Variants in CEACAM20 observed in about 807,000 individuals in gnomAD.
CEACAM20 encodes cell adhesion molecule CEACAM20.
Under a neutral mutation model 61.2 loss-of-function variants are expected in CEACAM20, and 50 were observed. That is an observed-to-expected ratio of 0.82 (90% CI 0.65 to 1.03). CEACAM20 has a LOEUF of 1.03. CEACAM20 is among the 50% of genes least tolerant of loss of function. The pLI, the probability that CEACAM20 is intolerant of heterozygous loss-of-function variation, is 0.00. For synonymous variants in CEACAM20, 282 were observed against 287.7 expected (o/e 0.98, Z 0.20); for missense variants, 683 against 736.4 (o/e 0.93, Z 0.84).
intron 11 of CEACAM20, among the ~76,000 whole-genome samples, chr19:44,510,602 A>C (rs1477229285): frequency 2.9e-5 from 2 of 68,138 alleles, no homozygotes; most frequent in Non-Finnish European, 4.9e-5. Flanking sequence ...GAAAGAAAGA[A>C]AGAAAGAAAA....
Position 44,523,987 on chromosome 19 carries a change from C to T in CEACAM20, c.471G>A (p.Lys157=). 1 of 1,550,214 alleles carries T rather than the reference C, an allele frequency of 6.5e-7. No homozygotes were observed. The highest frequency in any genetic ancestry group is 8.7e-7 in the Non-Finnish European group (1 of 1,145,918). ...TGGAGAGAATGGAAAGGGACTCACA[C>T]TTCACATCCAGGAAGATGGGGTCGC... The part of the protein sequence containing the change: ...QRSDPIFLDV[K]YGPDPVEIKL... Residue 157 remains lysine (K), a splice_region_variant and synonymous_variant, in exon 3 of 12, where the codon AAG becomes AAA. Coordinates refer to ENST00000614924, the MANE Select transcript of CEACAM20 (RefSeq NM_001102597.3).
intron 1 of CEACAM20, among the ~76,000 whole-genome samples, chr19:44,528,206 TCTCTC>T (rs1402572600): frequency 2.1e-5 from 3 of 144,088 alleles, no homozygotes; most frequent in African/African-American, 7.4e-5. Context: ...CCTTTCTTTC[TCTCTC>T]TCCCTTTCCC....
chr19:44,512,251 T>G lies in CEACAM20; in HGVS notation c.1514-173A>C, dbSNP rs539511794. 4.9e-4 allele frequency among the ~76,000 whole-genome samples: 74 copies of G among 152,250 alleles called. 2 individuals are homozygous for G. The South Asian group carries it at 0.014, about 29-fold the overall frequency. On this transcript the variant is annotated intron_variant, in intron 8 of 11. Transcript: ENST00000614924. ...ATGTCCTGGCAATCAAGGTCTGGGT[T>G]AGGTAAGGCTGTTTGGTGACACAGA...
chr19:44,508,090 C>G (rs946373232), intron 11 of CEACAM20, among the ~76,000 whole-genome samples: 3 of 152,196 alleles, frequency 2.0e-5, no homozygotes, highest in Non-Finnish European at 4.4e-5. Flanking sequence ...CCTAAACTTT[C>G]TCTTTTCCAA....
At chr19:44,507,193 A>G (rs970191412) in intron 11 of CEACAM20, among the ~76,000 whole-genome samples, 1 of 152,174 alleles carries the variant, frequency 6.6e-6, no homozygotes, top group Non-Finnish European at 1.5e-5. Flanking sequence ...ATTCTGGCTA[A>G]TGAGATATAA....
At chr19:44,513,894 T>C (rs568864072) in intron 6 of CEACAM20, among the ~76,000 whole-genome samples, 22 of 152,348 alleles carry the variant, frequency 1.4e-4, no homozygotes, top group Admixed American at 1.2e-3. Flanking sequence ...ATAGGGCTTC[T>C]AGAAAGATTA....
At position 44,520,480 on chromosome 19, in the gene CEACAM20, T is replaced by C. The variant is rs373472518; in HGVS notation, c.1024A>G (p.Ile342Val). 3.7e-5 allele frequency: 60 copies of C among 1,611,860 alleles called. No individual in the cohort carries two copies. Among genetic ancestry groups the C allele is most frequent in the Non-Finnish European group, 4.8e-5 (57 of 1,179,088 alleles). ...CAGGCCCTGGGTGACTCACAGTTGA[T>C]GGTCAGCTCAAGGGGCTCACTCCGG... is the stretch of plus-strand genomic sequence containing the variant. Reference protein sequence around the residue: ...RARSEPLELTINYGPDQVHIT... With the variant: ...RARSEPLELTVNYGPDQVHIT... Residue 342 changes from isoleucine (I) to valine (V), a missense_variant, in exon 5 of 12, where the codon ATC becomes GTC. Physicochemically the swap from Ile to Val is conservative, Grantham distance 29 (BLOSUM62 3). Coordinates refer to ENST00000614924, the MANE Select transcript of CEACAM20 (RefSeq NM_001102597.3).
Position 44,524,086 on chromosome 19 carries a change from G to T in CEACAM20, c.372C>A (p.Thr124=). Residue 124 remains threonine, a synonymous_variant, in exon 3 of 12, where the codon ACC becomes ACA. Transcript: ENST00000614924. ...AGTCCTCCCGCTGGACAATGAGAAT[G>T]GTGAGGATCTTGCCATCCTTGGACA... ...MQLSKDGKIL[T]ILIVQREDSG... 1 of 1,595,592 alleles carries T rather than the reference G, an allele frequency of 6.3e-7. No individual in the cohort carries two copies. Among genetic ancestry groups the T allele is most frequent in the Non-Finnish European group, 8.5e-7 (1 of 1,170,964 alleles).
chr19:44,521,248 T>G (rs1971357569), intron 4 of CEACAM20, among the ~76,000 whole-genome samples: 1 of 151,974 alleles, frequency 6.6e-6, no homozygotes, highest in Admixed American at 6.6e-5. Flanking sequence ...GTCTGTTGTA[T>G]ATATGTGTTG....
chr19:44,511,851 C>G (rs1294848937), intron 9 of CEACAM20, among the ~76,000 whole-genome samples, 166 bp downstream of exon 9: 2 of 152,148 alleles, frequency 1.3e-5, no homozygotes, highest in Non-Finnish European at 2.9e-5. Flanking sequence ...ATGAAAAAAC[C>G]CGGGAGGGTC....
chr19:44,523,081 C>T (rs1327918312), intron 3 of CEACAM20, among the ~76,000 whole-genome samples, 169 bp from the exon 4 acceptor site: 1 of 152,142 alleles, frequency 6.6e-6, no homozygotes, highest in Non-Finnish European at 1.5e-5. Flanking sequence ...TCAGCCTCAT[C>T]CCTGGGTAAA....
chr19:44,508,689 C>A (rs1189683776), intron 11 of CEACAM20, among the ~76,000 whole-genome samples: 1 of 152,132 alleles, frequency 6.6e-6, no homozygotes, highest in Non-Finnish European at 1.5e-5. Context: ...CGCGCCTGGC[C>A]CAGTTTTCTT....
At chr19:44,509,355 C>T (rs1013993677) in intron 11 of CEACAM20, among the ~76,000 whole-genome samples, 82 of 117,096 alleles carry the variant, frequency 7.0e-4, no homozygotes, top group Admixed American at 1.9e-3. Context: ...AATAAAGCAA[C>T]GAAATTAAAA....
At position 44,517,022 on chromosome 19, in the gene CEACAM20, G is replaced by A. The variant is rs559550466; in HGVS notation, c.1233C>T (p.Asp411=). 1.1e-5 allele frequency: 18 copies of A among 1,597,702 alleles called. No individual in the cohort carries two copies. Among genetic ancestry groups the A allele is most frequent in the South Asian group, 5.7e-5 (5 of 88,158 alleles). Residue 411 remains aspartate, a synonymous_variant, in exon 6 of 12, where the codon GAC becomes GAT. Transcript: ENST00000614924. ...TGGAGGCTGTGCAGTTGTAGATCCC[G>A]TCGTGTTCCCAGGTCAGAGCCCTGA... ...LIIRALTWEH[D]GIYNCTASNS...
In CEACAM20 at chr19:44,524,411, T is replaced by C. The variant is rs1028765456; in HGVS notation, c.197-150A>G. ...GATGCCTGGGCTTGAATGCTGGATC[T>C]ACTGCTCATTCTTGGTGTCATCTTC... is the stretch of plus-strand genomic sequence containing the variant. On this transcript the variant is annotated intron_variant, in intron 2 of 11. Coordinates refer to ENST00000614924, the MANE Select transcript of CEACAM20 (RefSeq NM_001102597.3). 7 of 818,772 alleles carry C rather than the reference T, an allele frequency of 8.5e-6. No individual in the cohort carries two copies. In the Middle Eastern group the frequency reaches 2.2e-3, roughly 262 times the overall value. The allele number at this position is 818,772 out of a possible 1,614,324, so 50.7% of individuals were successfully genotyped here. A position where few individuals can be genotyped will look rare whatever the true frequency, so the allele number is the denominator to read the frequency against.
intron 4 of CEACAM20, 67 bp downstream of exon 4, chr19:44,522,567 C>A: frequency 6.5e-7 from 1 of 1,531,628 alleles, no homozygotes; most frequent in Non-Finnish European, 8.8e-7. Context: ...ACTCCTGGTT[C>A]CTTCTGACAT....
intron 1 of CEACAM20, among the ~76,000 whole-genome samples, chr19:44,528,714 TGTCTCTG>T (rs1019715208): frequency 5.3e-5 from 8 of 151,998 alleles, no homozygotes; most frequent in African/African-American, 1.4e-4. Flanking sequence ...CTTTCTCTCT[TGTCTCTG>T]GTCTCTGTTT....
intron 1 of CEACAM20, among the ~76,000 whole-genome samples, chr19:44,525,753 T>G (rs1012333385): frequency 6.6e-6 from 1 of 152,164 alleles, no homozygotes; most frequent in African/African-American, 2.4e-5. Context: ...CAGCATGTTT[T>G]TGTCCTCTCT....
intron 5 of CEACAM20, among the ~76,000 whole-genome samples, chr19:44,519,152 C>T (rs1015533552): frequency 1.3e-5 from 2 of 152,170 alleles, no homozygotes; most frequent in East Asian, 1.9e-4. Flanking sequence ...GTGGACATCC[C>T]CATTCATGAT....
Sources: allele counts gnomAD v4.1 joint callset (sites outside exome capture counted in the v4.1 genomes callset), GRCh38; gene constraint gnomAD v4.1.1; transcripts MANE v1.5; gene names NCBI Gene and HGNC (gene_info 2026-07-23, HGNC 2026-07-21).